Variants in FYB1 observed in about 807,000 individuals in gnomAD.
The protein encoded by FYB1 is FYN binding protein 1.
Under a neutral mutation model 94.1 loss-of-function variants are expected in FYB1, and 41 were observed. That is an observed-to-expected ratio of 0.44 (90% CI 0.34 to 0.57). The LOEUF (loss-of-function observed/expected upper bound fraction) is 0.57, where lower values mean the gene tolerates loss of function less well. Among genes scored for constraint, FYB1 ranks in the 20% least tolerant of loss-of-function variants. The pLI is 0.02. For synonymous variants in FYB1, 367 were observed against 353.2 expected (o/e 1.04, Z -0.44); for missense variants, 1,050 against 976.8 (o/e 1.07, Z -1.00).
rs554528597 is a variant in FYB1, at chr5:39,185,225, C to T, written c.1135+16601G>A. ...ACTTCTTTAGGATGGTTGTCTTATT[C>T]TTACCATGTGCACACTCTTCATTGT... On this transcript the variant is annotated intron_variant, in intron 2 of 18. Coordinates refer to ENST00000512982, the MANE Select transcript of FYB1 (RefSeq NM_001465.6). 1.3e-3 allele frequency among the ~76,000 whole-genome samples: 195 copies of T among 152,132 alleles called. 1 individual carries two copies. Among genetic ancestry groups the T allele is most frequent in the African/African-American group, 4.6e-3 (193 of 41,514 alleles).
At chr5:39,155,102 C>A (rs898777600) in intron 2 of FYB1, among the ~76,000 whole-genome samples, 2 of 152,132 alleles carry the variant, frequency 1.3e-5, no homozygotes, top group African/African-American at 2.4e-5. Context: ...TCTTTACAAA[C>A]TTCAAAAAAA....
At chr5:39,209,925 G>A (rs940211754) in intron 1 of FYB1, among the ~76,000 whole-genome samples, 3 of 152,244 alleles carry the variant, frequency 2.0e-5, no homozygotes, top group African/African-American at 4.8e-5. Flanking sequence ...CTTGCCAATT[G>A]AATATCTATT....
chr5:39,194,835 C>T (rs260084), intron 2 of FYB1, among the ~76,000 whole-genome samples: 119,995 of 152,162 alleles, frequency 0.79, 47,437 homozygotes, highest in East Asian at 0.92. Flanking sequence ...TCCTCAGACA[C>T]GTCAACATGC....
At position 39,113,020 on chromosome 5, in the gene FYB1, C is replaced by T. The variant is rs527240778; in HGVS notation, c.2402-2631G>A. Among the ~76,000 whole-genome samples, 14 of 152,168 alleles carry T rather than the reference C, an allele frequency of 9.2e-5. No homozygotes were observed. The South Asian group carries it at 2.1e-3, about 23-fold the overall frequency. On this transcript the variant is annotated intron_variant, in intron 16 of 18. Transcript: ENST00000512982. Reference sequence around the variant, plus strand: ...AAGTCACAATTATATAGCATTTTTACAGGGTAAATGACTTTTAATACAGCA... The same window carrying T: ...AAGTCACAATTATATAGCATTTTTATAGGGTAAATGACTTTTAATACAGCA...
chr5:39,173,733 T>C (rs1561212201), intron 2 of FYB1, among the ~76,000 whole-genome samples: 1 of 147,934 alleles, frequency 6.8e-6, no homozygotes, highest in East Asian at 2.4e-4. Context: ...GTCAGTTTTG[T>C]CAAAGATCAG....
chr5:39,191,469 G>A (rs1579622383), intron 2 of FYB1, among the ~76,000 whole-genome samples: 1 of 152,074 alleles, frequency 6.6e-6, no homozygotes, highest in Non-Finnish European at 1.5e-5. Context: ...AACCTCGTAT[G>A]GTTTTTGGTT....
At chr5:39,156,190 A>C (rs1035545697) in intron 2 of FYB1, among the ~76,000 whole-genome samples, 3 of 152,068 alleles carry the variant, frequency 2.0e-5, no homozygotes, top group Non-Finnish European at 4.4e-5. Flanking sequence ...GGAAACACTG[A>C]AAACTGACTT....
chr5:39,199,143 C>T (rs1224357119), intron 2 of FYB1, among the ~76,000 whole-genome samples: 4 of 151,588 alleles, frequency 2.6e-5, no homozygotes, highest in East Asian at 1.9e-4. Context: ...TTATTTTCTA[C>T]TTACATACTC....
intron 9 of FYB1, 145 bp downstream of exon 9, chr5:39,134,063 C>T: frequency 1.8e-6 from 1 of 543,032 alleles, no homozygotes; most frequent in Non-Finnish European, 3.2e-6. Context: ...ACCTTTCACC[C>T]ATGTTGGGGT....
chr5:39,186,379 G>A (rs1291399654), intron 2 of FYB1, among the ~76,000 whole-genome samples: 4 of 152,084 alleles, frequency 2.6e-5, no homozygotes, highest in Non-Finnish European at 5.9e-5. Flanking sequence ...AGCCAATATA[G>A]TGCCGCTGCA....
At chr5:39,266,846 T>C (rs1321741533) in intron 1 of FYB1, among the ~76,000 whole-genome samples, 2 of 152,188 alleles carry the variant, frequency 1.3e-5, no homozygotes, top group Non-Finnish European at 2.9e-5. Flanking sequence ...CAGCTGATCC[T>C]CAAGCCTACC....
chr5:39,204,262 T>C (rs1369237640), intron 1 of FYB1, among the ~76,000 whole-genome samples: 1 of 152,148 alleles, frequency 6.6e-6, no homozygotes, highest in African/African-American at 2.4e-5. Flanking sequence ...GGTAAATACA[T>C]GTGCTTTGTT....
chr5:39,138,541 G>C, intron 6 of FYB1, 116 bp downstream of exon 6: 1 of 557,170 alleles, frequency 1.8e-6, no homozygotes. Flanking sequence ...TTATACGCCA[G>C]TCATTTGAAC....
upstream of FYB1, among the ~76,000 whole-genome samples, chr5:39,224,113 T>C (rs1330071287): frequency 6.6e-6 from 1 of 152,196 alleles, no homozygotes; most frequent in African/African-American, 2.4e-5. Flanking sequence ...AATGATGAAG[T>C]TAATATTCTC....
chr5:39,122,263 T>C (rs1740190464), intron 14 of FYB1, 73 bp downstream of exon 14: 5 of 1,007,710 alleles, frequency 5.0e-6, no homozygotes, highest in Non-Finnish European at 4.6e-6. Context: ...TCCCACTGGG[T>C]TTTTATTTCA....
chr5:39,238,134 A>T lies in FYB1; in HGVS notation c.-27-35147T>A, dbSNP rs73749467. 1.2e-3 allele frequency among the ~76,000 whole-genome samples: 189 copies of T among 152,224 alleles called. 2 individuals are homozygous for T. Among genetic ancestry groups the T allele is most frequent in the African/African-American group, 4.4e-3 (181 of 41,554 alleles). ...ATGCCACTGAACTGTACCCTTAAAA[A>T]TGGTTAAGATGGTAAATTTTGTTAT... On this transcript the variant is annotated intron_variant, in intron 1 of 1. Transcript: ENST00000510188.
rs989343524 is a variant in FYB1 at position 39,205,050 on chromosome 5, C to A, written c.-27-2063G>T. Reference sequence around the variant, plus strand: ...AGGAGAGAATGGGTTCTTCCCTGAACCTTCAGAGAGATCAGAGTTGCAGAG... The same window carrying A: ...AGGAGAGAATGGGTTCTTCCCTGAAACTTCAGAGAGATCAGAGTTGCAGAG... On this transcript the variant is annotated intron_variant, in intron 1 of 18. Coordinates refer to ENST00000512982, the MANE Select transcript of FYB1 (RefSeq NM_001465.6). Among the ~76,000 whole-genome samples, 7 of 152,180 alleles carry A rather than the reference C, an allele frequency of 4.6e-5. No homozygotes were observed. The East Asian group carries it at 1.4e-3, about 29-fold the overall frequency.
chr5:39,131,791 C>T (rs1741223222), intron 9 of FYB1, among the ~76,000 whole-genome samples: 1 of 152,156 alleles, frequency 6.6e-6, no homozygotes. Flanking sequence ...AGATACTTTT[C>T]ATCTTGGATT....
In FYB1 at chr5:39,118,932, TAG is replaced by T; in HGVS notation, c.2341_2342del (p.Leu781ArgfsTer8). 6.4e-7 allele frequency: 1 copy of T among 1,572,750 alleles called. No homozygotes were observed. ...RDLQVKPGES[L>X]EVIQTTDDTK... ...TGTCATCTGTGGTTTGTATAACTTCTAGAGATTCACCAGGTTTTACCTGTAGA... is the reference window on the plus strand; with the variant it reads ...TGTCATCTGTGGTTTGTATAACTTCTAGATTCACCAGGTTTTACCTGTAGA... On this transcript the variant is annotated frameshift_variant, in exon 16 of 19. Coordinates refer to ENST00000512982, the MANE Select transcript of FYB1 (RefSeq NM_001465.6). LOFTEE classifies it high-confidence loss of function.
Sources: allele counts gnomAD v4.1 joint callset (sites outside exome capture counted in the v4.1 genomes callset), GRCh38; gene constraint gnomAD v4.1.1; transcripts MANE v1.5; gene names NCBI Gene and HGNC (gene_info 2026-07-23, HGNC 2026-07-21).